The following LUC7L variants were observed in gnomAD, a reference collection of about 807,000 sequenced individuals.
LUC7L encodes the protein LUC7 like.
In LUC7L, 29 loss-of-function variants were observed where a neutral mutation model predicts 51.1. The observed-to-expected ratio is 0.57, with a 90% CI of 0.42 to 0.77. The LOEUF is 0.77. LUC7L is among the 30% of genes least tolerant of loss of function. The pLI, the probability that LUC7L is intolerant of heterozygous loss-of-function variation, is 0.00. For synonymous variants in LUC7L, 181 were observed against 180.7 expected, an observed-to-expected ratio of 1.00 and a Z score of -0.01; for missense variants, 403 against 511.9, an observed-to-expected ratio of 0.79 and a Z score of 2.05.
chr16:202,311 C>T (rs572696091), intron 5 of LUC7L, among the ~76,000 whole-genome samples: 1 of 152,184 alleles, frequency 6.6e-6, no homozygotes, highest in East Asian at 1.9e-4. Flanking sequence ...ACTCACTATC[C>T]CAGGGAGGGC....
chr16:224,959 C>T (rs1235196356), intron 2 of LUC7L, among the ~76,000 whole-genome samples: 2 of 152,208 alleles, frequency 1.3e-5, no homozygotes, highest in African/African-American at 2.4e-5. Flanking sequence ...TTGGATGTAG[C>T]TTTTCAGCTT....
At chr16:202,439 G>A (rs918508859) in intron 5 of LUC7L, among the ~76,000 whole-genome samples, 2 of 152,066 alleles carry the variant, frequency 1.3e-5, no homozygotes, top group African/African-American at 2.4e-5. Context: ...CATCCAAACC[G>A]TATCAAGTGT....
Position 216,978 on chromosome 16 carries a change from G to C in LUC7L, c.255+3671C>G, listed in dbSNP as rs117969630. On this transcript the variant is annotated intron_variant, in intron 3 of 9. Transcript: ENST00000293872. The stretch of plus-strand genomic sequence containing the variant: ...CCCAAAGTGTTGAGATTACAGGCGT[G>C]AGCCACCACATGCCTGGCCAAGGCC... 2.9e-3 allele frequency among the ~76,000 whole-genome samples: 445 copies of C among 152,020 alleles called. 12 individuals are homozygous for C. In the East Asian group the frequency reaches 0.067, roughly 23 times the overall value.
At chr16:229,172 C>G (rs1443181550) in intron 1 of LUC7L, 107 bp downstream of exon 1, 1 of 1,463,600 alleles carries the variant, frequency 6.8e-7, no homozygotes, top group African/African-American at 1.5e-5. Context: ...GGAGCGATGC[C>G]CCGCGCAGGC....
chr16:208,218 C>T, intron 3 of LUC7L, 30 bp from the exon 4 acceptor site: 1 of 1,477,250 alleles, frequency 6.8e-7, no homozygotes, highest in African/African-American at 1.4e-5. Flanking sequence ...GCGCTATAAT[C>T]AATGATGTGT....
rs763349302 is a variant in LUC7L, at chr16:220,746, C to T, written c.158G>A (p.Arg53His). 1 of 1,611,244 alleles carries T rather than the reference C, an allele frequency of 6.2e-7. No homozygotes were observed. The highest frequency in any genetic ancestry group is 8.5e-7 in the Non-Finnish European group (1 of 1,177,804). Reference protein sequence around the residue: ...CCPHDILAGTRMDLGECTKIH... With the variant: ...CCPHDILAGTHMDLGECTKIH... Reference sequence around the variant, plus strand: ...TTTGGTACATTCTCCTAAATCCATGCGCTGTGGGAAAGAAACAGAAAATGC... The same window carrying T: ...TTTGGTACATTCTCCTAAATCCATGTGCTGTGGGAAAGAAACAGAAAATGC... Residue 53 changes from arginine to histidine, a missense_variant and splice_region_variant, in exon 3 of 10, where the codon CGC becomes CAC. Arg to His is a conservative substitution (Grantham distance 29). Coordinates refer to ENST00000293872, the MANE Select transcript of LUC7L (RefSeq NM_201412.3).
chr16:216,140 T>C (rs953814863), intron 3 of LUC7L, among the ~76,000 whole-genome samples: 1 of 151,892 alleles, frequency 6.6e-6, no homozygotes. Context: ...TAGCTGGGAT[T>C]ATAGGTGCCC....
intron 6 of LUC7L, among the ~76,000 whole-genome samples, chr16:193,948 C>T (rs915110408): frequency 4.0e-5 from 6 of 151,576 alleles, no homozygotes; most frequent in African/African-American, 7.3e-5. Flanking sequence ...GGATTACAGG[C>T]GCCCGGCACT....
intron 7 of LUC7L, among the ~76,000 whole-genome samples, chr16:192,033 C>T (rs2049023642): frequency 6.6e-6 from 1 of 152,026 alleles, no homozygotes; most frequent in South Asian, 2.1e-4. Context: ...CTGAGTGTGG[C>T]CAGAGGCATC....
At chr16:213,815 A>C (rs962674312) in intron 3 of LUC7L, among the ~76,000 whole-genome samples, 4 of 152,118 alleles carry the variant, frequency 2.6e-5, no homozygotes, top group Admixed American at 6.6e-5. Context: ...CCCAGGTTCA[A>C]GCGATTTTCC....
At chr16:218,848 T>C (rs1370146000) in intron 3 of LUC7L, among the ~76,000 whole-genome samples, 1 of 139,208 alleles carries the variant, frequency 7.2e-6, no homozygotes, top group Non-Finnish European at 1.5e-5. Flanking sequence ...CCAATACCAG[T>C]GAGAGGCCAA....
rs1165579457 is a variant in LUC7L at position 199,043 on chromosome 16, C to T, written c.687+19G>A. 1.3e-6 allele frequency: 2 copies of T among 1,573,702 alleles called. No homozygotes were observed. Among genetic ancestry groups the T allele is most frequent in the Non-Finnish European group, 1.7e-6 (2 of 1,153,812 alleles). On this transcript the variant is annotated intron_variant, in intron 6 of 9. Transcript: ENST00000293872. ...CACCCCAAGACTCCTCAGCTTTCTCCAGAAACAGATGAACATACCCTCAAC... is the reference window on the plus strand; with the variant it reads ...CACCCCAAGACTCCTCAGCTTTCTCTAGAAACAGATGAACATACCCTCAAC...
In LUC7L at chr16:189,240, C is replaced by T; in HGVS notation, c.1074G>A (p.Met358Ile). Residue 358 changes from methionine (M) to isoleucine (I), a missense_variant, in exon 10 of 10, where the codon ATG becomes ATA. Physicochemically the swap from Met to Ile is conservative, Grantham distance 10 (BLOSUM62 1). Around this residue, in one of 3 missense-constraint regions of LUC7L, gnomAD observed 206 missense variants for 218.3 expected, o/e 0.94. Transcript: ENST00000293872. The stretch of plus-strand genomic sequence containing the variant: ...CCTTCTCTTCTGACCTCCGTGAAGC[C>T]ATCTTCCCGTTGGAGCTCTCAAGCC... ...DWRLESSNGK[M>I]ASRRSEEKEA... 2.5e-6 allele frequency: 4 copies of T among 1,614,062 alleles called. No individual in the cohort carries two copies. Among genetic ancestry groups the T allele is most frequent in the Non-Finnish European group, 8.5e-7 (1 of 1,180,006 alleles).
intron 3 of LUC7L, among the ~76,000 whole-genome samples, chr16:219,473 T>C (rs966467479): frequency 3.3e-5 from 5 of 152,138 alleles, no homozygotes; most frequent in Admixed American, 6.6e-5. Flanking sequence ...ACTAGCTATT[T>C]AGGAGACTGT....
chr16:196,530 CA>C (rs2049154295), intron 6 of LUC7L, among the ~76,000 whole-genome samples: 2 of 143,692 alleles, frequency 1.4e-5, no homozygotes, highest in South Asian at 2.2e-4. Flanking sequence ...GGCTAACAAA[CA>C]ATTTTTTTTT....
chr16:192,023 C>G (rs1468839387), intron 7 of LUC7L, among the ~76,000 whole-genome samples: 1 of 152,112 alleles, frequency 6.6e-6, no homozygotes, highest in East Asian at 1.9e-4. Context: ...GCCTCTCAAG[C>G]TGAGTGTGGC....
chr16:203,566 G>A lies in LUC7L; in HGVS notation c.510+2438C>T, dbSNP rs114098800. Among the ~76,000 whole-genome samples the A allele has an allele frequency of 5.7e-3, 870 of 152,160 alleles. 10 individuals are homozygous for A. The highest frequency in any genetic ancestry group is 0.02 in the African/African-American group (827 of 41,508). On this transcript the variant is annotated intron_variant, in intron 5 of 9. Coordinates refer to ENST00000293872, the MANE Select transcript of LUC7L (RefSeq NM_201412.3). Reference sequence around the variant, plus strand: ...TCCAAAAAATACAAAAAATTAGCTGGGCTTGGTGGCATGTGCCTTCAGTCC... The same window carrying A: ...TCCAAAAAATACAAAAAATTAGCTGAGCTTGGTGGCATGTGCCTTCAGTCC...
chr16:214,947 T>A (rs1195943462), intron 3 of LUC7L, among the ~76,000 whole-genome samples: 2 of 152,168 alleles, frequency 1.3e-5, no homozygotes, highest in Non-Finnish European at 2.9e-5. Flanking sequence ...GGCTTGTGAC[T>A]GTAATCCCAG....
At chr16:193,807 T>A (rs1360585491) in intron 6 of LUC7L, among the ~76,000 whole-genome samples, 1 of 47,496 alleles carries the variant, frequency 2.1e-5, no homozygotes, top group African/African-American at 4.9e-5. Flanking sequence ...TTACATTTAC[T>A]TTTTTTTTTT....
Sources: gnomAD v4.1 joint callset for allele counts (sites outside exome capture counted in the v4.1 genomes callset) on GRCh38, gnomAD v4.1.1 for gene constraint, gnomAD v4.1.1 regional missense constraint, MANE v1.5 for transcripts, NCBI Gene and HGNC (gene_info 2026-07-23, HGNC 2026-07-21) for gene names.